The following KDM4C variants were observed in gnomAD, a reference collection of about 807,000 sequenced individuals.
KDM4C encodes lysine demethylase 4C, also known as lysine-specific demethylase 4C.
A neutral mutation model predicts 129.3 loss-of-function variants in KDM4C; 81 were observed. The ratio of observed to expected loss-of-function variants is 0.63; its 90% CI spans 0.52 to 0.75. The LOEUF is 0.75. Ranked by LOEUF, KDM4C falls within the 30% of genes least tolerant of loss-of-function variation. KDM4C has a pLI of 0.00. For synonymous variants in KDM4C, 573 were observed against 456.1 expected, an observed-to-expected ratio of 1.26 and a Z score of -3.26; for missense variants, 1,457 against 1,304.0, an observed-to-expected ratio of 1.12 and a Z score of -1.81.
intron 8 of KDM4C, among the ~76,000 whole-genome samples, chr9:6,961,135 G>C (rs530244357): frequency 1.5e-4 from 23 of 152,270 alleles, no homozygotes; most frequent in African/African-American, 5.1e-4. Flanking sequence ...TTGTGAGTTT[G>C]CAAACATTTG....
chr9:7,041,421 G>A (rs1370074585), intron 15 of KDM4C, among the ~76,000 whole-genome samples: 3 of 151,876 alleles, frequency 2.0e-5, no homozygotes, highest in African/African-American at 7.3e-5. Context: ...ACTGAGGGTC[G>A]ACTGTACTTC....
intron 15 of KDM4C, among the ~76,000 whole-genome samples, chr9:7,028,111 G>A (rs1826097608): frequency 6.6e-6 from 1 of 152,112 alleles, no homozygotes; most frequent in Non-Finnish European, 1.5e-5. Context: ...TAAGGTGCAA[G>A]AGAAAGTCAC....
intron 17 of KDM4C, 82 bp from the exon 18 acceptor site, chr9:7,103,603 A>G (rs1328454512): frequency 1.5e-5 from 12 of 801,876 alleles, no homozygotes; most frequent in South Asian, 4.1e-5. Context: ...TTTCTTCTCT[A>G]GTAGCTATTG....
intron 19 of KDM4C, among the ~76,000 whole-genome samples, chr9:7,136,369 A>G (rs12348425): frequency 0.012 from 1,800 of 152,334 alleles, 30 homozygotes; most frequent in African/African-American, 0.041. Context: ...ACTAAGTTAT[A>G]TGGTAAGTGT....
chr9:6,850,014 C>T (rs559237239), intron 5 of KDM4C, among the ~76,000 whole-genome samples: 22 of 152,268 alleles, frequency 1.4e-4, no homozygotes, highest in African/African-American at 5.3e-4. Context: ...ATATGTTTAG[C>T]TAAATGAATA....
intron 19 of KDM4C, among the ~76,000 whole-genome samples, chr9:7,145,429 G>T (rs1587858189): frequency 6.6e-6 from 1 of 152,136 alleles, no homozygotes; most frequent in Non-Finnish European, 1.5e-5. Flanking sequence ...GAGACAGGCT[G>T]ATGGGGGGCG....
At chr9:7,007,072 A>C (rs1444773145) in intron 12 of KDM4C, among the ~76,000 whole-genome samples, 1 of 152,200 alleles carries the variant, frequency 6.6e-6, no homozygotes, top group East Asian at 1.9e-4. Flanking sequence ...TGGTTTCCCC[A>C]TTTCCACCTC....
Position 6,981,124 on chromosome 9 carries a change from G to T in KDM4C, c.1115+6G>T. 6.2e-7 allele frequency: 1 copy of T among 1,608,966 alleles called. No individual in the cohort carries two copies. The highest frequency in any genetic ancestry group is 1.1e-5 in the South Asian group (1 of 90,426). ...GTAAGAAAAGCATCCCGAAGGTAAT[G>T]ACCCCTCACCCCACTGACCTGCCTT... On this transcript the variant is annotated splice_donor_region_variant and intron_variant, in intron 9 of 21. Transcript: ENST00000381309.
intron 8 of KDM4C, among the ~76,000 whole-genome samples, chr9:6,948,808 C>T (rs1827484432): frequency 6.6e-6 from 1 of 152,154 alleles, no homozygotes; most frequent in Non-Finnish European, 1.5e-5. Flanking sequence ...GGGGTAAGGT[C>T]ATAGATCAAC....
intron 1 of KDM4C, among the ~76,000 whole-genome samples, chr9:6,763,399 T>C (rs1293497643): frequency 6.6e-6 from 1 of 152,220 alleles, no homozygotes; most frequent in African/African-American, 2.4e-5. Flanking sequence ...TTCAAGTTAG[T>C]GTTCTCTCAA....
chr9:6,934,936 T>A lies in KDM4C; in HGVS notation c.921+41704T>A, dbSNP rs1026333331. Among the ~76,000 whole-genome samples the A allele has an allele frequency of 2.6e-5, 4 of 152,200 alleles. No individual in the cohort carries two copies. In the East Asian group the frequency reaches 5.8e-4, roughly 22 times the overall value. ...AGATTTCTTTATTCTCAACCATGTG[T>A]GCACATACACTCAGATTTTTTTCTT... On this transcript the variant is annotated intron_variant, in intron 8 of 21. Coordinates refer to ENST00000381309, the MANE Select transcript of KDM4C (RefSeq NM_015061.6).
intron 4 of KDM4C, among the ~76,000 whole-genome samples, chr9:6,836,669 T>G (rs957247705): frequency 7.9e-5 from 12 of 152,324 alleles, no homozygotes; most frequent in African/African-American, 2.9e-4. Context: ...TTGGCTTATT[T>G]TTGACCTTAT....
intron 1 of KDM4C, among the ~76,000 whole-genome samples, 177 bp from the exon 2 acceptor site, chr9:6,792,795 C>T (rs1445850750): frequency 6.6e-6 from 1 of 152,086 alleles, no homozygotes; most frequent in Non-Finnish European, 1.5e-5. Context: ...GACTAGAGGC[C>T]CTTGTTTGTT....
intron 19 of KDM4C, among the ~76,000 whole-genome samples, chr9:7,135,196 T>C (rs2890741): frequency 0.17 from 25,341 of 152,138 alleles, 2,921 homozygotes; most frequent in African/African-American, 0.32. Flanking sequence ...GTTGCCCTGA[T>C]GTCCCATGCA....
At chr9:6,903,289 A>G (rs1817717871) in intron 8 of KDM4C, among the ~76,000 whole-genome samples, 1 of 152,230 alleles carries the variant, frequency 6.6e-6, no homozygotes, top group African/African-American at 2.4e-5. Flanking sequence ...TTGAAATAGC[A>G]TGAAAACTTG....
intron 15 of KDM4C, among the ~76,000 whole-genome samples, chr9:7,045,975 G>T (rs776503973): frequency 2.0e-5 from 3 of 151,964 alleles, no homozygotes; most frequent in Non-Finnish European, 4.4e-5. Context: ...AAGAGGTTTC[G>T]TATATAAACT....
intron 8 of KDM4C, among the ~76,000 whole-genome samples, chr9:6,967,550 G>A (rs7864289): frequency 1.3e-5 from 2 of 152,186 alleles, no homozygotes; most frequent in African/African-American, 2.4e-5. Context: ...AAAGGAACTA[G>A]GCTGTGAAAT....
chr9:6,801,483 C>T (rs1034418446), intron 2 of KDM4C, among the ~76,000 whole-genome samples: 18 of 150,886 alleles, frequency 1.2e-4, no homozygotes, highest in Non-Finnish European at 2.4e-4. Flanking sequence ...GTGATCCACC[C>T]GCCTTGGCCT....
In KDM4C at chr9:6,950,925, A is replaced by C. The variant is rs545286306; in HGVS notation, c.922-30000A>C. ...TTTCCTTAAATGTTTCAGATAACAG[A>C]AAATACTTGAATTTTGGGGGGAGGA... On this transcript the variant is annotated intron_variant, in intron 8 of 21. Transcript: ENST00000381309. 2.6e-5 allele frequency among the ~76,000 whole-genome samples: 4 copies of C among 152,312 alleles called. No individual in the cohort carries two copies. The South Asian group carries it at 8.3e-4, about 32-fold the overall frequency.
Sources: gnomAD v4.1 joint callset for allele counts (sites outside exome capture counted in the v4.1 genomes callset) on GRCh38, gnomAD v4.1.1 for gene constraint, MANE v1.5 for transcripts, NCBI Gene and HGNC (gene_info 2026-07-23, HGNC 2026-07-21) for gene names.